The following PRKN variants were observed in gnomAD, a reference collection of about 807,000 sequenced individuals.
The protein encoded by PRKN is parkin RBR E3 ubiquitin protein ligase.
PRKN carries 56 observed loss-of-function variants against 59.5 expected under a neutral mutation model. That is an observed-to-expected ratio of 0.94 (90% CI 0.76 to 1.18). The LOEUF (loss-of-function observed/expected upper bound fraction) is 1.18, where lower values mean the gene tolerates loss of function less well. Ranked by LOEUF, PRKN falls within the 50% of genes most tolerant of loss-of-function variation. PRKN has a pLI of 0.00. For synonymous variants in PRKN, 250 were observed against 222.1 expected (o/e 1.13, Z -1.12); for missense variants, 657 against 596.4 (o/e 1.10, Z -1.06).
At position 161,376,094 on chromosome 6, in the gene PRKN, C is replaced by G. The variant is rs1162994549; in HGVS notation, c.1167+10700G>C. On this transcript the variant is annotated intron_variant, in intron 10 of 11. Transcript: ENST00000366898. This position sits in a 1 kb window ranked among gnomAD's most constrained non-coding sequence, Gnocchi z 7.3. ...ACGGCTCTGCGGTGAGATGCTGGGG[C>G]AAAATAGATCAAAAAAGATCTCAGC... 6.6e-6 allele frequency among the ~76,000 whole-genome samples: 1 copy of G among 152,118 alleles called. No homozygotes were observed. Among genetic ancestry groups the G allele is most frequent in the East Asian group, 1.9e-4 (1 of 5,194 alleles).
intron 9 of PRKN, among the ~76,000 whole-genome samples, chr6:161,485,354 A>G (rs1399289790): frequency 6.6e-6 from 1 of 152,208 alleles, no homozygotes; most frequent in Non-Finnish European, 1.5e-5. Flanking sequence ...CTCTTTTGAA[A>G]TAAAACCTGT....
intron 4 of PRKN, among the ~76,000 whole-genome samples, chr6:162,195,988 TAA>T (rs971011321): frequency 6.6e-6 from 1 of 152,230 alleles, no homozygotes; most frequent in African/African-American, 2.4e-5. Flanking sequence ...TTTCACTCTA[TAA>T]AAAGCCTTAC....
rs1285452839 is a variant in PRKN, at chr6:161,941,765, C to T, written c.734+31537G>A. Among the ~76,000 whole-genome samples, 7 of 152,204 alleles carry T rather than the reference C, an allele frequency of 4.6e-5. No homozygotes were observed. The South Asian group carries it at 8.3e-4, about 18-fold the overall frequency. ...AGCCGGGCACTAAAGAAGTGAGCCA[C>T]GCCCCCATGACATGCCCTGGGAGGA... On this transcript the variant is annotated intron_variant, in intron 6 of 11. Coordinates refer to ENST00000366898, the MANE Select transcript of PRKN (RefSeq NM_004562.3).
chr6:162,234,562 G>A (rs6912912), intron 3 of PRKN, among the ~76,000 whole-genome samples: 73,390 of 151,984 alleles, frequency 0.48, 20,474 homozygotes, highest in East Asian at 0.86. Flanking sequence ...TTTGCATATA[G>A]CCTACACACA....
chr6:161,971,122 TAA>T (rs980878854), intron 6 of PRKN, among the ~76,000 whole-genome samples: 3 of 152,198 alleles, frequency 2.0e-5, no homozygotes, highest in African/African-American at 7.2e-5. Context: ...CTTCTATTTA[TAA>T]ATTCTCCCAA....
intron 9 of PRKN, among the ~76,000 whole-genome samples, chr6:161,523,695 T>G (rs1160789382): frequency 1.3e-5 from 2 of 152,238 alleles, no homozygotes; most frequent in Admixed American, 6.5e-5. Flanking sequence ...CTATCTCATG[T>G]GTGTTTGATG....
At chr6:162,236,646 T>G (rs1778734843) in intron 3 of PRKN, among the ~76,000 whole-genome samples, 1 of 144,860 alleles carries the variant, frequency 6.9e-6, no homozygotes, top group Admixed American at 6.8e-5. Flanking sequence ...AAAAAAAAAA[T>G]TAACTGGGCA....
chr6:161,496,995 G>A (rs939649542), intron 9 of PRKN, among the ~76,000 whole-genome samples: 2 of 152,162 alleles, frequency 1.3e-5, no homozygotes, highest in African/African-American at 2.4e-5. Flanking sequence ...GCTGTTCTAC[G>A]CCACCCGGCT....
At chr6:162,685,413 A>AAT (rs998748447) in intron 1 of PRKN, among the ~76,000 whole-genome samples, 27 of 151,910 alleles carry the variant, frequency 1.8e-4, no homozygotes, top group East Asian at 1.2e-3. Flanking sequence ...TACAAAAGTA[A>AAT]ATATATATAT....
chr6:162,344,170 G>A (rs911211164), intron 2 of PRKN, among the ~76,000 whole-genome samples: 1 of 152,128 alleles, frequency 6.6e-6, no homozygotes, highest in African/African-American at 2.4e-5. Flanking sequence ...CTAATACCAA[G>A]TTAAGACTTG....
intron 1 of PRKN, among the ~76,000 whole-genome samples, chr6:162,709,800 G>C (rs1200233125): frequency 6.6e-6 from 1 of 151,252 alleles, no homozygotes; most frequent in Admixed American, 6.6e-5. Flanking sequence ...TAGCTATCTG[G>C]AGAAGGAAGG....
chr6:162,491,017 C>T (rs1364969267), intron 1 of PRKN, among the ~76,000 whole-genome samples: 4 of 151,864 alleles, frequency 2.6e-5, no homozygotes, highest in African/African-American at 4.8e-5. Flanking sequence ...GCAGGAGAAT[C>T]GCTTGAACCC....
rs979517950 is a variant in PRKN, at chr6:161,915,013, G to A, written c.734+58289C>T. Among the ~76,000 whole-genome samples the A allele has an allele frequency of 2.4e-4, 37 of 152,226 alleles. No homozygotes were observed. In the South Asian group the frequency reaches 2.7e-3, roughly 11 times the overall value. On this transcript the variant is annotated intron_variant, in intron 6 of 11. Transcript: ENST00000366898. ...AAATGTTCTTTTTTGCGTTGGGTGC[G>A]GTGGCTCATGCCTGTAATCTCAGCA...
At chr6:161,392,721 C>G (rs1786569330) in intron 9 of PRKN, among the ~76,000 whole-genome samples, 2 of 151,202 alleles carry the variant, frequency 1.3e-5, no homozygotes, top group South Asian at 4.2e-4. Context: ...ACACTTTTAA[C>G]TTAATTCTAG....
At chr6:162,367,141 T>C (rs12206970) in intron 2 of PRKN, among the ~76,000 whole-genome samples, 43,423 of 151,852 alleles carry the variant, frequency 0.29, 6,371 homozygotes, top group African/African-American at 0.31. Context: ...GGGGAGCTGA[T>C]GGTTTTATCA....
At chr6:162,020,529 A>G (rs1476914435) in intron 5 of PRKN, among the ~76,000 whole-genome samples, 3 of 152,152 alleles carry the variant, frequency 2.0e-5, no homozygotes, top group Non-Finnish European at 4.4e-5. Context: ...AAACATACAT[A>G]TCTTGGTTCT....
In PRKN at chr6:161,548,754, A is replaced by C. The variant is rs1174977015; in HGVS notation, c.1083+100T>G. On this transcript the variant is annotated intron_variant, in intron 9 of 11. Coordinates refer to ENST00000366898, the MANE Select transcript of PRKN (RefSeq NM_004562.3). The surrounding 1 kb of genome is among the most constrained non-coding windows in gnomAD (Gnocchi z 4.2). ...TGTAAGTTCAAAGATGTCTAAGTCC[A>C]AAGGGAAAATGAAAATAAAATAAAA... 1 of 1,156,546 alleles carries C rather than the reference A, an allele frequency of 8.6e-7. No individual in the cohort carries two copies. The highest frequency in any genetic ancestry group is 1.3e-6 in the Non-Finnish European group (1 of 791,244). The allele number at this position is 1,156,546 out of a possible 1,614,324, so 71.6% of individuals were successfully genotyped here. A position where few individuals can be genotyped will look rare whatever the true frequency, so the allele number is the denominator to read the frequency against.
At chr6:161,383,402 T>TC (rs776752719) in intron 10 of PRKN, among the ~76,000 whole-genome samples, 6 of 152,226 alleles carry the variant, frequency 3.9e-5, no homozygotes, top group Non-Finnish European at 8.8e-5. Context: ...CTGTATTCTT[T>TC]CCCCTCTCTG....
chr6:162,307,730 A>G (rs1016742939), intron 2 of PRKN, among the ~76,000 whole-genome samples: 3 of 152,204 alleles, frequency 2.0e-5, no homozygotes, highest in Admixed American at 6.5e-5. Context: ...AGGCACTGCA[A>G]ACATTGAATA....
Sources: gnomAD v4.1 joint callset for allele counts (sites outside exome capture counted in the v4.1 genomes callset) on GRCh38, gnomAD v4.1.1 for gene constraint, Gnocchi (gnomAD v3.1) non-coding constraint, MANE v1.5 for transcripts, NCBI Gene and HGNC (gene_info 2026-07-23, HGNC 2026-07-21) for gene names.